Variants in NRG3 observed in about 807,000 individuals in gnomAD.
NRG3 encodes the protein pro-neuregulin-3, membrane-bound isoform.
In NRG3, 31 loss-of-function variants were observed where a neutral mutation model predicts 66.9. That is an observed-to-expected ratio of 0.46 (90% confidence interval 0.35 to 0.63). The LOEUF is 0.63. NRG3 is among the 20% of genes least tolerant of loss of function. The pLI, the probability that NRG3 is intolerant of heterozygous loss-of-function variation, is 0.00. For synonymous variants in NRG3, 393 were observed against 359.4 expected (o/e 1.09, Z -1.06); for missense variants, 910 against 878.9 (o/e 1.04, Z -0.45).
chr10:82,042,063 G>A (rs1467127401), intron 1 of NRG3, among the ~76,000 whole-genome samples: 3 of 151,990 alleles, frequency 2.0e-5, no homozygotes, highest in Non-Finnish European at 4.4e-5. Flanking sequence ...GAGATATAAA[G>A]TGGCCACTGA....
At chr10:82,206,983 TG>T (rs2075150476) in intron 1 of NRG3, among the ~76,000 whole-genome samples, 1 of 152,210 alleles carries the variant, frequency 6.6e-6, no homozygotes, top group Admixed American at 6.5e-5. Flanking sequence ...AGTTGACTGC[TG>T]TGACTCATAC....
Position 82,304,024 on chromosome 10 carries a change from A to G in NRG3, c.824-54715A>G, listed in dbSNP as rs543522841. On this transcript the variant is annotated intron_variant, in intron 1 of 8. Coordinates refer to ENST00000372141, the MANE Select transcript of NRG3 (RefSeq NM_001010848.4). Reference sequence around the variant, plus strand: ...GTGTAGGCCAGTATGCCTAGGATACAATCCCAGAAGTAGAATTGGGGTATA... The same window carrying G: ...GTGTAGGCCAGTATGCCTAGGATACGATCCCAGAAGTAGAATTGGGGTATA... Among the ~76,000 whole-genome samples, 8 of 152,300 alleles carry G rather than the reference A, an allele frequency of 5.3e-5. 1 individual carries two copies. In the East Asian group the frequency reaches 1.5e-3, roughly 29 times the overall value.
intron 1 of NRG3, among the ~76,000 whole-genome samples, chr10:82,332,466 A>G (rs1313128214): frequency 1.3e-5 from 2 of 152,148 alleles, no homozygotes; most frequent in Non-Finnish European, 2.9e-5. Context: ...AAGGGACCTT[A>G]GTGACTATTA....
At position 82,000,797 on chromosome 10, in the gene NRG3, C is replaced by T. The variant is rs116316258; in HGVS notation, c.823+124634C>T. On this transcript the variant is annotated intron_variant, in intron 1 of 8. Transcript: ENST00000372141. ...AGGCAGCTTGAAAGAAAATTCAAGTCAATGCAGTACATTTCTGCTGCAAAT... is the reference window on the plus strand; with the variant it reads ...AGGCAGCTTGAAAGAAAATTCAAGTTAATGCAGTACATTTCTGCTGCAAAT... Among the ~76,000 whole-genome samples, 904 of 152,288 alleles carry T rather than the reference C, an allele frequency of 5.9e-3. 5 individuals carry two copies. The highest frequency in any genetic ancestry group is 0.02 in the African/African-American group (844 of 41,564).
In NRG3 at chr10:82,529,651, G is replaced by C. The variant is rs183225955; in HGVS notation, c.953+170783G>C. On this transcript the variant is annotated intron_variant, in intron 2 of 8. Transcript: ENST00000372141. ...TGATAAACATGTACTTGAGCAAAAT[G>C]TTTCTCTACATTTAGCATCCTCCAT... Among the ~76,000 whole-genome samples, 243 of 152,216 alleles carry C rather than the reference G, an allele frequency of 1.6e-3. 1 individual carries two copies. Among genetic ancestry groups the C allele is most frequent in the African/African-American group, 5.3e-3 (222 of 41,542 alleles).
At chr10:82,158,315 C>G (rs2071328473) in intron 1 of NRG3, among the ~76,000 whole-genome samples, 1 of 151,704 alleles carries the variant, frequency 6.6e-6, no homozygotes, top group South Asian at 2.1e-4. Flanking sequence ...CAAAATGGCT[C>G]TAAATTTAAT....
At chr10:82,179,704 CA>C (rs2073284205) in intron 1 of NRG3, among the ~76,000 whole-genome samples, 1 of 151,774 alleles carries the variant, frequency 6.6e-6, no homozygotes, top group Admixed American at 6.6e-5. Context: ...TCTTCTTTTT[CA>C]AGAGTGTTTT....
At chr10:82,091,983 G>T (rs1320464288) in intron 1 of NRG3, among the ~76,000 whole-genome samples, 1 of 152,094 alleles carries the variant, frequency 6.6e-6, no homozygotes, top group Non-Finnish European at 1.5e-5. Context: ...CAGTTTTCAA[G>T]GTTGAAACAT....
chr10:82,379,666 C>A (rs1473387782), intron 2 of NRG3, among the ~76,000 whole-genome samples: 3 of 151,886 alleles, frequency 2.0e-5, no homozygotes, highest in African/African-American at 7.3e-5. Context: ...AAGAAGGACT[C>A]TGGTTTAATA....
At chr10:82,333,398 G>T (rs2082236348) in intron 1 of NRG3, among the ~76,000 whole-genome samples, 1 of 152,338 alleles carries the variant, frequency 6.6e-6, no homozygotes, top group South Asian at 2.1e-4. Flanking sequence ...CAGCTGAATT[G>T]ACTCTGAGTT....
intron 1 of NRG3, among the ~76,000 whole-genome samples, chr10:81,926,824 C>CT (rs1476195045): frequency 5.3e-5 from 8 of 152,174 alleles, no homozygotes; most frequent in African/African-American, 1.9e-4. Flanking sequence ...CTGACTGCCA[C>CT]TTATTAGTCA....
chr10:82,214,868 A>T (rs2075583658), intron 1 of NRG3, among the ~76,000 whole-genome samples: 1 of 152,190 alleles, frequency 6.6e-6, no homozygotes, highest in Non-Finnish European at 1.5e-5. Flanking sequence ...GCTAGTCTGA[A>T]CAAAGGAGAG....
At chr10:82,361,411 A>G (rs1289345995) in intron 2 of NRG3, among the ~76,000 whole-genome samples, 1 of 152,222 alleles carries the variant, frequency 6.6e-6, no homozygotes, top group East Asian at 1.9e-4. Context: ...CACACATCAC[A>G]TGTGCCTGCT....
chr10:82,007,695 T>C (rs935508053), intron 1 of NRG3, among the ~76,000 whole-genome samples: 1 of 152,208 alleles, frequency 6.6e-6, no homozygotes, highest in Non-Finnish European at 1.5e-5. Flanking sequence ...CTACATTTTA[T>C]TTTTGTGCTA....
At chr10:82,262,441 A>G (rs1485150457) in intron 1 of NRG3, among the ~76,000 whole-genome samples, 2 of 152,186 alleles carry the variant, frequency 1.3e-5, no homozygotes, top group Non-Finnish European at 2.9e-5. Context: ...TGCTTGTTTT[A>G]CTGACTTGTA....
intron 2 of NRG3, among the ~76,000 whole-genome samples, chr10:82,489,153 C>G (rs1842906975): frequency 6.6e-6 from 1 of 152,120 alleles, no homozygotes; most frequent in African/African-American, 2.4e-5. Context: ...CCTAAATTCA[C>G]CAACTAGTGT....
intron 1 of NRG3, among the ~76,000 whole-genome samples, chr10:82,010,426 T>C (rs556720612): frequency 4.6e-5 from 7 of 152,276 alleles, no homozygotes; most frequent in Non-Finnish European, 1.0e-4. Context: ...CTGTGTTAGG[T>C]TCAGATTGTT....
At chr10:82,831,768 C>A (rs994245831) in intron 3 of NRG3, among the ~76,000 whole-genome samples, 1 of 151,960 alleles carries the variant, frequency 6.6e-6, no homozygotes, top group African/African-American at 2.4e-5. Flanking sequence ...GAGCTGAGAT[C>A]GTGCCATTGC....
At chr10:81,892,428 C>T (rs1179683204) in intron 1 of NRG3, among the ~76,000 whole-genome samples, 1 of 152,024 alleles carries the variant, frequency 6.6e-6, no homozygotes, top group African/African-American at 2.4e-5. Context: ...TGATATCTCA[C>T]CCCCTTAAGT....
Sources: gnomAD v4.1 joint callset for allele counts (sites outside exome capture counted in the v4.1 genomes callset) on GRCh38, gnomAD v4.1.1 for gene constraint, MANE v1.5 for transcripts, NCBI Gene and HGNC (gene_info 2026-07-23, HGNC 2026-07-21) for gene names.